Variants in KNSTRN observed in about 807,000 individuals in gnomAD.
The protein encoded by KNSTRN is kinetochore localized astrin (SPAG5) binding protein.
A neutral mutation model predicts 44.7 loss-of-function variants in KNSTRN; 38 were observed. The ratio of observed to expected loss-of-function variants is 0.85; its 90% CI spans 0.66 to 1.11. The LOEUF (loss-of-function observed/expected upper bound fraction) is 1.11, where lower values mean the gene tolerates loss of function less well. KNSTRN is among the 50% of genes most tolerant of loss of function. The pLI is 0.00. For missense variants in KNSTRN, 406 were observed against 375.8 expected, an observed-to-expected ratio of 1.08 and a Z score of -0.66; for synonymous variants, 158 against 148.1, an observed-to-expected ratio of 1.07 and a Z score of -0.48.
At chr15:40,385,939 T>C (rs1165788587) in intron 2 of KNSTRN, among the ~76,000 whole-genome samples, 1 of 152,252 alleles carries the variant, frequency 6.6e-6, no homozygotes. Context: ...TCTTCACATG[T>C]TGAAATTTGC....
rs538817377 is a variant in KNSTRN at position 40,388,638 on chromosome 15, T to A, written c.486-868T>A. The stretch of plus-strand genomic sequence containing the variant: ...TGAACCCAGGAGGTGGAGCTTGCAG[T>A]GAGCCGAGACCACGCCACTGCACTC... On this transcript the variant is annotated intron_variant, in intron 4 of 8. Coordinates refer to ENST00000249776, the MANE Select transcript of KNSTRN (RefSeq NM_033286.4). Among the ~76,000 whole-genome samples, 124 of 150,480 alleles carry A rather than the reference T, an allele frequency of 8.2e-4. 1 individual carries two copies. Among genetic ancestry groups the A allele is most frequent in the Admixed American group, 8.0e-3 (121 of 15,042 alleles).
In KNSTRN at chr15:40,386,460, G is replaced by A; in HGVS notation, c.403G>A (p.Val135Ile). 6.2e-7 allele frequency: 1 copy of A among 1,614,120 alleles called. No individual in the cohort carries two copies. Among genetic ancestry groups the A allele is most frequent in the East Asian group, 2.2e-5 (1 of 44,874 alleles). ...TCATTCAGGAGGTCCAGAGAATGAT[G>A]TTACAAAAATCACCAAACTGAGACG... ...QLHSGGPEND[V>I]TKITKLRREN... The change falls in exon 3 of 9, where the codon GTT becomes ATT. Residue 135 changes from valine to isoleucine, a missense_variant. Val to Ile is a conservative substitution (Grantham distance 29). Coordinates refer to ENST00000249776, the MANE Select transcript of KNSTRN (RefSeq NM_033286.4).
chr15:40,388,163 G>A (rs1401050407), intron 4 of KNSTRN, among the ~76,000 whole-genome samples: 1 of 152,208 alleles, frequency 6.6e-6, no homozygotes, highest in Non-Finnish European at 1.5e-5. Context: ...GAAATATAGA[G>A]GTGTGAAGTG....
chr15:40,383,310 G>T lies in KNSTRN; in HGVS notation c.292G>T (p.Gly98Cys), dbSNP rs567939254. ...SLQPPSALSG[G>C]QPADTQTRAT... ...GCAGCCCCCCTCTGCGCTGAGCGGCGGCCAGCCGGCAGGTGAGGGTCCAAG... is the reference window on the plus strand; with the variant it reads ...GCAGCCCCCCTCTGCGCTGAGCGGCTGCCAGCCGGCAGGTGAGGGTCCAAG... The change falls in exon 2 of 9, where the codon GGC becomes TGC. Residue 98 changes from glycine (G) to cysteine (C), a missense_variant. By Grantham distance (159) the Gly-to-Cys change is radical (BLOSUM62 -3). Coordinates refer to ENST00000249776, the MANE Select transcript of KNSTRN (RefSeq NM_033286.4). 2 of 1,611,662 alleles carry T rather than the reference G, an allele frequency of 1.2e-6. No individual in the cohort carries two copies. The highest frequency in any genetic ancestry group is 2.2e-5 in the East Asian group (1 of 44,800).
chr15:40,384,234 C>T (rs1251771079), intron 2 of KNSTRN: 6 of 283,928 alleles, frequency 2.1e-5, no homozygotes, highest in East Asian at 1.2e-4. Context: ...CTTAGCCGGG[C>T]GTGGTGGCGG....
In KNSTRN at chr15:40,387,194, A is replaced by C. The variant is rs1221515648; in HGVS notation, c.473A>C (p.Asn158Thr). 1 of 1,613,330 alleles carries C rather than the reference A, an allele frequency of 6.2e-7. No individual in the cohort carries two copies. The highest frequency in any genetic ancestry group is 2.2e-5 in the East Asian group (1 of 44,880). The change falls in exon 4 of 9, where the codon AAT (asparagine) becomes ACT (threonine). Residue 158 changes from asparagine to threonine, a missense_variant. Transcript: ENST00000249776. ...MKATDTATRR[N>T]VRKGYKPLSK... ...GCTACTGACACTGCCACCAGAAGGA[A>C]TGTCAGAAAAGGGTGAGCATCAGGG...
At chr15:40,387,081 C>T (rs1889915414) in intron 3 of KNSTRN, 78 bp from the exon 4 acceptor site, 3 of 1,059,758 alleles carry the variant, frequency 2.8e-6, no homozygotes, top group African/African-American at 1.6e-5. Context: ...GAAACTCAAG[C>T]TCTTTGTTCT....
chr15:40,391,143 T>C (rs1222071539), intron 6 of KNSTRN, among the ~76,000 whole-genome samples: 1 of 152,176 alleles, frequency 6.6e-6, no homozygotes, highest in East Asian at 1.9e-4. Context: ...AAAGTAATAA[T>C]TTTTTAAGGC....
Position 40,382,955 on chromosome 15 carries a change from G to A in KNSTRN, c.120G>A (p.Ala40=), listed in dbSNP as rs751927888. ...GGAAGTTTCTATTTGAAACCCAGGC[G>A]GCCGACTTAGCCGGTGGCACGACAG... is the stretch of plus-strand genomic sequence containing the variant. ...SYRKFLFETQ[A]ADLAGGTTVA... Residue 40 remains alanine (A), a synonymous_variant, in exon 1 of 9, where the codon GCG becomes GCA. Transcript: ENST00000249776. 1.2e-6 allele frequency: 2 copies of A among 1,612,142 alleles called. No homozygotes were observed. Among genetic ancestry groups the A allele is most frequent in the African/African-American group, 2.7e-5 (2 of 74,872 alleles).
chr15:40,386,210 G>C (rs1280812638), intron 2 of KNSTRN, 152 bp from the exon 3 acceptor site: 8 of 810,784 alleles, frequency 9.9e-6, no homozygotes, highest in Non-Finnish European at 1.4e-5. Flanking sequence ...CTGGGCCACA[G>C]AGCAAGACTC....
intron 1 of KNSTRN, 58 bp from the exon 2 acceptor site, chr15:40,383,170 T>G: frequency 6.4e-7 from 1 of 1,572,988 alleles, no homozygotes; most frequent in Non-Finnish European, 8.7e-7. Context: ...CCCCGGGCCC[T>G]CCACTCTCTC....
chr15:40,383,554 A>G, intron 2 of KNSTRN: 2 of 472,460 alleles, frequency 4.2e-6, no homozygotes, highest in South Asian at 7.0e-5. Context: ...TACTGTATTC[A>G]TCAGTTAGAT....
chr15:40,385,081 G>A (rs548542538), intron 2 of KNSTRN, among the ~76,000 whole-genome samples: 3 of 152,316 alleles, frequency 2.0e-5, no homozygotes, highest in African/African-American at 4.8e-5. Context: ...ACCTCAGAAA[G>A]AACCCTTTTA....
At chr15:40,389,295 T>C (rs1889956723) in intron 4 of KNSTRN, 1 of 515,178 alleles carries the variant, frequency 1.9e-6, no homozygotes, top group South Asian at 1.8e-5. Context: ...ATTACAGGCA[T>C]GCGCCACCAC....
Position 40,382,961 on chromosome 15 carries a change from C to T in KNSTRN, c.126C>T (p.Asp42=), listed in dbSNP as rs767914760. The change falls in exon 1 of 9, where the codon GAC becomes GAT. Residue 42 remains aspartate, a synonymous_variant. Coordinates refer to ENST00000249776, the MANE Select transcript of KNSTRN (RefSeq NM_033286.4). ...TTCTATTTGAAACCCAGGCGGCCGA[C>T]TTAGCCGGTGGCACGACAGTTGCTG... ...RKFLFETQAA[D]LAGGTTVAAG... 1 of 1,612,274 alleles carries T rather than the reference C, an allele frequency of 6.2e-7. No homozygotes were observed. Among genetic ancestry groups the T allele is most frequent in the East Asian group, 2.2e-5 (1 of 44,886 alleles).
chr15:40,385,354 C>A (rs939434960), intron 2 of KNSTRN, among the ~76,000 whole-genome samples: 18 of 152,288 alleles, frequency 1.2e-4, no homozygotes, highest in Non-Finnish European at 2.2e-4. Flanking sequence ...ATGGCAGGGC[C>A]ATTTCTCTGG....
rs1344169158 is a variant in KNSTRN, at chr15:40,394,090, A to T, written c.*493A>T. ...GGCTTCTGTACCTCCTTATTAATTT[A>T]TGAACCTGAAGTTGCTTGAAGTGTT... On this transcript the variant is annotated 3_prime_UTR_variant, in exon 9 of 9. Coordinates refer to ENST00000249776, the MANE Select transcript of KNSTRN (RefSeq NM_033286.4). The T allele has an allele frequency of 6.5e-6, 1 of 152,858 alleles. No individual in the cohort carries two copies. The highest frequency in any genetic ancestry group is 2.4e-5 in the African/African-American group (1 of 41,458). The allele number at this position is 152,858 out of a possible 1,614,324, so 9.5% of individuals were successfully genotyped here.
chr15:40,389,800 G>T, intron 5 of KNSTRN, 36 bp from the exon 6 acceptor site: 1 of 1,595,590 alleles, frequency 6.3e-7, no homozygotes, highest in South Asian at 1.1e-5. Flanking sequence ...TAGGGAGTTG[G>T]ACAATTCCTG....
intron 7 of KNSTRN, 61 bp from the exon 8 acceptor site, chr15:40,391,888 C>T: frequency 7.8e-7 from 1 of 1,281,834 alleles, no homozygotes; most frequent in Non-Finnish European, 1.1e-6. Context: ...TGTTAGCCAT[C>T]ATCTAATGCA....
Sources: allele counts gnomAD v4.1 joint callset (sites outside exome capture counted in the v4.1 genomes callset), GRCh38; gene constraint gnomAD v4.1.1; transcripts MANE v1.5; gene names NCBI Gene and HGNC (gene_info 2026-07-23, HGNC 2026-07-21).